The following FBP1 variants were observed in gnomAD, a reference collection of about 807,000 sequenced individuals.
The protein encoded by FBP1 is fructose-1,6-bisphosphatase 1.
Under a neutral mutation model 29.9 loss-of-function variants are expected in FBP1, and 22 were observed. The ratio of observed to expected loss-of-function variants is 0.74; its 90% CI spans 0.53 to 1.05. FBP1 has a LOEUF of 1.05. FBP1 is among the 50% of genes least tolerant of loss of function. The probability of loss-of-function intolerance (pLI) is 0.00; values close to 1 mark genes in which losing one functional copy is unlikely to be tolerated. For missense variants in FBP1, 345 were observed against 448.2 expected (o/e 0.77, Z 2.08); for synonymous variants, 175 against 178.6 (o/e 0.98, Z 0.16).
At chr9:94,605,686 GGTAT>G in intron 5 of FBP1, 110 bp from the exon 6 acceptor site, 4 of 1,097,840 alleles carry the variant, frequency 3.6e-6, no homozygotes, top group Middle Eastern at 2.0e-4. Context: ...GCACCTACAA[GGTAT>G]GTATTTGGGG....
chr9:94,615,536 A>G (rs1002744854), intron 3 of FBP1, among the ~76,000 whole-genome samples: 2 of 152,210 alleles, frequency 1.3e-5, no homozygotes, highest in African/African-American at 2.4e-5. Flanking sequence ...TTTGCAAGGA[A>G]AATTGCATTC....
chr9:94,615,830 CT>C (rs5741695), intron 3 of FBP1, among the ~76,000 whole-genome samples: 69,261 of 140,272 alleles, frequency 0.49, 16,449 homozygotes, highest in Admixed American at 0.62. Context: ...GGTCTCAGTT[CT>C]TTTTTTTTTT....
At chr9:94,607,698 GT>G (rs1409354822) in intron 4 of FBP1, among the ~76,000 whole-genome samples, 1 of 152,160 alleles carries the variant, frequency 6.6e-6, no homozygotes, top group African/African-American at 2.4e-5. Flanking sequence ...GTTCCTGTGT[GT>G]TTTTGGCAAG....
In FBP1 at chr9:94,622,931, C is replaced by T. The variant is rs183203849; in HGVS notation, c.171-2440G>A. The stretch of plus-strand genomic sequence containing the variant: ...ACCCCACTAGCAGCAGTGCTCTCTC[C>T]TTTCCAGCCTGAGAGTTGCACTGTC... On this transcript the variant is annotated intron_variant, in intron 1 of 6. Transcript: ENST00000375326. Among the ~76,000 whole-genome samples the T allele has an allele frequency of 4.7e-4, 72 of 152,232 alleles. 1 individual carries two copies. Among genetic ancestry groups the T allele is most frequent in the Admixed American group, 9.2e-4 (14 of 15,276 alleles).
intron 1 of FBP1, among the ~76,000 whole-genome samples, chr9:94,623,853 A>G (rs1827983148): frequency 6.6e-6 from 1 of 152,252 alleles, no homozygotes; most frequent in South Asian, 2.1e-4. Context: ...GGGTGAGCAC[A>G]AACAAGAAAT....
intron 1 of FBP1, among the ~76,000 whole-genome samples, chr9:94,632,728 C>T (rs1025196568): frequency 6.6e-6 from 1 of 152,138 alleles, no homozygotes; most frequent in African/African-American, 2.4e-5. Flanking sequence ...CATTGGTACC[C>T]AATTAGTAAA....
intron 1 of FBP1, among the ~76,000 whole-genome samples, chr9:94,631,921 TG>T (rs151285793): frequency 3.9e-4 from 60 of 152,126 alleles, no homozygotes; most frequent in African/African-American, 1.4e-3. Context: ...TGCCTCTGCT[TG>T]CATTCACCGG....
intron 3 of FBP1, 26 bp from the exon 4 acceptor site, chr9:94,610,087 T>A (rs1280460407): frequency 3.1e-6 from 5 of 1,611,056 alleles, no homozygotes; most frequent in Admixed American, 3.4e-5. Flanking sequence ...AATCAAAGAA[T>A]GTTTTTGTTT....
chr9:94,603,744 A>G (rs771834076), intron 6 of FBP1, 172 bp from the exon 7 acceptor site: 17 of 679,100 alleles, frequency 2.5e-5, no homozygotes, highest in Non-Finnish European at 2.9e-5. Context: ...GTTGCATCTG[A>G]GACAAAACAG....
intron 1 of FBP1, among the ~76,000 whole-genome samples, chr9:94,633,185 C>T (rs1587867460): frequency 6.6e-6 from 1 of 152,300 alleles, no homozygotes; most frequent in East Asian, 1.9e-4. Context: ...TTCAGAAACT[C>T]CCTCACAGCC....
At chr9:94,606,076 T>G in intron 5 of FBP1, among the ~76,000 whole-genome samples, 2 of 151,720 alleles carry the variant, frequency 1.3e-5, no homozygotes, top group East Asian at 1.9e-4. Context: ...CAGGATAAGG[T>G]GAAAGGAGAG....
Position 94,639,454 on chromosome 9 carries a change from C to T in FBP1, c.-144G>A, listed in dbSNP as rs1036417440. The T allele has an allele frequency of 3.3e-5, 31 of 934,804 alleles. No individual in the cohort carries two copies. In the African/African-American group the frequency reaches 4.9e-4, roughly 15 times the overall value. 57.9% of individuals were successfully genotyped at this position (934,804 alleles called of 1,614,324 possible). ...GGCAGGTGCGGGCCGCGGGACCTGG[C>T]GGGAGGACTGACAGACCGACTGCCG... On this transcript the variant is annotated 5_prime_UTR_variant, in exon 1 of 7. Transcript: ENST00000375326.
chr9:94,603,717 G>C (rs1362215858), intron 6 of FBP1, 145 bp from the exon 7 acceptor site: 2 of 761,968 alleles, frequency 2.6e-6, no homozygotes, highest in Non-Finnish European at 4.6e-6. Flanking sequence ...GGCTGTAAAA[G>C]TTTCCTCCCA....
rs779750324 is a variant in FBP1, at chr9:94,605,407, G to C, written c.825+50C>G. On this transcript the variant is annotated intron_variant, in intron 6 of 6. Transcript: ENST00000375326. ...TCTTCTTCCTAAACTAAATCGCGTG[G>C]GCTGCAAGTGAAATCTGCTCCTCAC... 11 of 1,601,538 alleles carry C rather than the reference G, an allele frequency of 6.9e-6. No individual in the cohort carries two copies. In the South Asian group the frequency reaches 7.8e-5, roughly 11 times the overall value.
At chr9:94,635,060 G>A (rs921682400) in intron 1 of FBP1, among the ~76,000 whole-genome samples, 2 of 122,808 alleles carry the variant, frequency 1.6e-5, no homozygotes, top group African/African-American at 6.4e-5. Flanking sequence ...CTGCACACCA[G>A]CCTGAGTGAG....
At chr9:94,626,836 T>C (rs1020757846) in intron 1 of FBP1, among the ~76,000 whole-genome samples, 1 of 152,156 alleles carries the variant, frequency 6.6e-6, no homozygotes, top group African/African-American at 2.4e-5. Flanking sequence ...GCGGATTACC[T>C]GAGGTTCAGG....
chr9:94,604,046 T>C (rs1248898786), intron 6 of FBP1: 1 of 223,080 alleles, frequency 4.5e-6, no homozygotes, highest in Non-Finnish European at 9.0e-6. Flanking sequence ...TGCAACTCTG[T>C]GTGCATTCCT....
At chr9:94,606,091 G>C (rs1183895738) in intron 5 of FBP1, among the ~76,000 whole-genome samples, 1 of 152,146 alleles carries the variant, frequency 6.6e-6, no homozygotes, top group Non-Finnish European at 1.5e-5. Flanking sequence ...GGAGAGATGA[G>C]TAAGCTGGAG....
intron 1 of FBP1, among the ~76,000 whole-genome samples, chr9:94,630,662 C>G (rs533688092): frequency 6.6e-6 from 1 of 152,318 alleles, no homozygotes; most frequent in South Asian, 2.1e-4. Context: ...GGTGCATAGG[C>G]AAGTGTGCAA....
Sources: allele counts gnomAD v4.1 joint callset (sites outside exome capture counted in the v4.1 genomes callset), GRCh38; gene constraint gnomAD v4.1.1; transcripts MANE v1.5; gene names NCBI Gene and HGNC (gene_info 2026-07-23, HGNC 2026-07-21).